KIF15: variants seen among roughly 807,000 people sequenced by gnomAD.
KIF15 encodes kinesin-like protein KIF15.
Under a neutral mutation model 190.6 loss-of-function variants are expected in KIF15, and 140 were observed. That is an observed-to-expected ratio of 0.73 (90% CI 0.64 to 0.84). KIF15 has a LOEUF of 0.84. KIF15 is among the 40% of genes least tolerant of loss of function. KIF15 has a pLI of 0.00. For missense variants in KIF15, 1,372 were observed against 1,584.4 expected, an observed-to-expected ratio of 0.87 and a Z score of 2.28; for synonymous variants, 528 against 551.3, an observed-to-expected ratio of 0.96 and a Z score of 0.59.
intron 6 of KIF15, among the ~76,000 whole-genome samples, chr3:44,861,179 C>CG (rs1263318429): frequency 6.6e-6 from 1 of 151,400 alleles, no homozygotes; most frequent in Non-Finnish European, 1.5e-5. Flanking sequence ...TTAGTAGAGA[C>CG]GGGGTTTCTC....
chr3:44,836,524 T>TA (rs1198903093), intron 26 of KIF15, among the ~76,000 whole-genome samples: 1 of 151,952 alleles, frequency 6.6e-6, no homozygotes, highest in Admixed American at 6.6e-5. Context: ...ATGGGGAAAA[T>TA]ATTTGCAACT....
At position 44,797,863 on chromosome 3, in the gene KIF15, C is replaced by T. The variant is rs1707068161; in HGVS notation, c.1005C>T (p.Ala335=). The T allele has an allele frequency of 1.2e-6, 2 of 1,613,766 alleles. No homozygotes were observed. Among genetic ancestry groups the T allele is most frequent in the Non-Finnish European group, 1.7e-6 (2 of 1,179,908 alleles). Residue 335 remains alanine, a synonymous_variant, in exon 10 of 35, where the codon GCC becomes GCT. Transcript: ENST00000326047. ...RDSLGGNAKT[A]IIANVHPGSR... ...CCCTTGGAGGTAATGCCAAAACAGC[C>T]ATAATTGCAAATGTTCATCCTGGAT... is the stretch of plus-strand genomic sequence containing the variant.
intron 26 of KIF15, among the ~76,000 whole-genome samples, chr3:44,833,316 A>G (rs1410578619): frequency 6.6e-6 from 1 of 152,062 alleles, no homozygotes; most frequent in East Asian, 1.9e-4. Flanking sequence ...ATTCAAGCAC[A>G]TTACATTTAC....
intron 32 of KIF15, among the ~76,000 whole-genome samples, chr3:44,849,876 A>G (rs541874869): frequency 2.6e-5 from 4 of 152,292 alleles, no homozygotes; most frequent in African/African-American, 9.6e-5. Context: ...TTTATAAGTA[A>G]TTATTATACT....
chr3:44,804,467 TGG>T (rs1707404443), intron 14 of KIF15, among the ~76,000 whole-genome samples: 2 of 152,350 alleles, frequency 1.3e-5, no homozygotes, highest in East Asian at 3.9e-4. Flanking sequence ...AATAATTCCT[TGG>T]CTGTTAACAT....
chr3:44,841,205 A>T lies in KIF15; in HGVS notation c.3552A>T (p.Arg1184Ser). ...EHLVTKLNED[R>S]EVKNAEILRM... is the part of the protein sequence containing the mutation. Reference sequence around the variant, plus strand: ...TTGTAACAAAGCTAAATGAAGACAGAGAAGTCAAAAATGCTGAAATCCTCA... The same window carrying T: ...TTGTAACAAAGCTAAATGAAGACAGTGAAGTCAAAAATGCTGAAATCCTCA... The change falls in exon 29 of 35, where the codon AGA becomes AGT. Residue 1184 changes from arginine (R) to serine (S), a missense_variant. Transcript: ENST00000326047. 6.2e-7 allele frequency: 1 copy of T among 1,607,616 alleles called. No homozygotes were observed. The highest frequency in any genetic ancestry group is 8.5e-7 in the Non-Finnish European group (1 of 1,178,474).
At chr3:44,856,491 G>A (rs919775693), downstream of KIF15, among the ~76,000 whole-genome samples, 1 of 152,244 alleles carries the variant, frequency 6.6e-6, no homozygotes, top group Middle Eastern at 3.2e-3. Context: ...GAATGGGCCT[G>A]TGAGGCTGGA....
chr3:44,829,757 TGTA>T (rs1697962956), intron 24 of KIF15, among the ~76,000 whole-genome samples: 1 of 140,658 alleles, frequency 7.1e-6, no homozygotes, highest in South Asian at 2.1e-4. Flanking sequence ...ATATTATAGA[TGTA>T]TATATATTAT....
At chr3:44,829,160 A>G (rs1392500302) in intron 24 of KIF15, among the ~76,000 whole-genome samples, 1 of 151,832 alleles carries the variant, frequency 6.6e-6, no homozygotes, top group African/African-American at 2.4e-5. Context: ...GATCGAGACC[A>G]TCCTGGCTAA....
intron 27 of KIF15, among the ~76,000 whole-genome samples, chr3:44,839,328 G>A (rs560198542): frequency 2.0e-5 from 3 of 151,832 alleles, no homozygotes; most frequent in Non-Finnish European, 4.4e-5. Flanking sequence ...AGCCGAGATC[G>A]CGCCACTGCA....
intron 20 of KIF15, among the ~76,000 whole-genome samples, chr3:44,817,083 G>A (rs1708063926): frequency 6.6e-6 from 1 of 151,788 alleles, no homozygotes; most frequent in African/African-American, 2.4e-5. Flanking sequence ...TTTTTGATGA[G>A]GTTGTTTGTT....
intron 17 of KIF15, among the ~76,000 whole-genome samples, 168 bp from the exon 18 acceptor site, chr3:44,812,014 C>T (rs1707806646): frequency 6.6e-6 from 1 of 152,146 alleles, no homozygotes; most frequent in Admixed American, 6.5e-5. Flanking sequence ...AGTATATAAC[C>T]TTTTGATGAT....
intron 22 of KIF15, 110 bp downstream of exon 22, chr3:44,826,570 A>C: frequency 1.4e-6 from 1 of 729,780 alleles, no homozygotes; most frequent in Non-Finnish European, 2.2e-6. Flanking sequence ...TATTTTTTTA[A>C]AGCATTCCAA....
intron 34 of KIF15, 47 bp downstream of exon 34, chr3:44,852,386 G>T: frequency 1.3e-6 from 2 of 1,540,356 alleles, no homozygotes; most frequent in Middle Eastern, 1.7e-4. Flanking sequence ...GTTTAAAAAT[G>T]ATTATTTTAT....
intron 20 of KIF15, among the ~76,000 whole-genome samples, chr3:44,818,103 A>G (rs1449532672): frequency 3.3e-5 from 5 of 152,112 alleles, no homozygotes; most frequent in Non-Finnish European, 7.4e-5. Context: ...CTATCCTGAG[A>G]CTTTGCTGAA....
intron 20 of KIF15, among the ~76,000 whole-genome samples, chr3:44,823,659 G>A (rs1193365998): frequency 6.6e-6 from 1 of 152,208 alleles, no homozygotes; most frequent in African/African-American, 2.4e-5. Flanking sequence ...GAGCTGTGGT[G>A]GGCTCCACCC....
intron 6 of KIF15, among the ~76,000 whole-genome samples, chr3:44,864,636 A>G (rs1699301068): frequency 1.3e-5 from 2 of 152,236 alleles, no homozygotes; most frequent in African/African-American, 2.4e-5. Context: ...GCTGTTTCCT[A>G]GGGTTCTGTG....
intron 26 of KIF15, among the ~76,000 whole-genome samples, chr3:44,832,254 C>G (rs1235909853): frequency 6.6e-6 from 1 of 152,148 alleles, no homozygotes; most frequent in East Asian, 1.9e-4. Flanking sequence ...ATACAAGGTG[C>G]TGGCAGTGAA....
intron 13 of KIF15, 25 bp from the exon 14 acceptor site, chr3:44,802,789 T>C (rs201698953): frequency 5.9e-5 from 90 of 1,522,628 alleles, no homozygotes; most frequent in Non-Finnish European, 2.7e-5. Context: ...AAATATATAA[T>C]GCGTGTAATT....
Sources: gnomAD v4.1 joint callset for allele counts (sites outside exome capture counted in the v4.1 genomes callset) on GRCh38, gnomAD v4.1.1 for gene constraint, MANE v1.5 for transcripts, NCBI Gene and HGNC (gene_info 2026-07-23, HGNC 2026-07-21) for gene names.